The following SEC14L5 variants were observed in gnomAD, a reference collection of about 807,000 sequenced individuals.
SEC14L5 encodes SEC14-like protein 5.
A neutral mutation model predicts 84.6 loss-of-function variants in SEC14L5; 96 were observed. That is an observed-to-expected ratio of 1.13 (90% CI 0.96 to 1.34). The LOEUF (loss-of-function observed/expected upper bound fraction) is 1.34, where lower values mean the gene tolerates loss of function less well. Ranked by LOEUF, SEC14L5 falls within the 40% of genes most tolerant of loss-of-function variation. The pLI is 0.00. For synonymous variants in SEC14L5, 546 were observed against 383.4 expected, an observed-to-expected ratio of 1.42 and a Z score of -4.95; for missense variants, 1,224 against 942.5, an observed-to-expected ratio of 1.30 and a Z score of -3.91.
At chr16:4,960,215 A>G (rs769388235) in intron 2 of SEC14L5, among the ~76,000 whole-genome samples, 9 of 152,200 alleles carry the variant, frequency 5.9e-5, no homozygotes, top group African/African-American at 7.2e-5. Flanking sequence ...GCTCAGTAAC[A>G]TGGGGACAAT....
At chr16:4,970,725 G>A (rs139697121) in intron 2 of SEC14L5, among the ~76,000 whole-genome samples, 57 of 152,304 alleles carry the variant, frequency 3.7e-4, no homozygotes, top group African/African-American at 1.3e-3. Context: ...TGCCGGAGAG[G>A]CCAGTCATTC....
At chr16:4,959,432 G>A (rs7200245) in intron 2 of SEC14L5, 46 bp downstream of exon 2, 787,993 of 1,518,312 alleles carry the variant, frequency 0.52, 209,622 homozygotes, top group East Asian at 0.78. Context: ...AGTTGGAGGG[G>A]CTTGAGATCA....
At chr16:4,976,947 G>A (rs1955348282) in intron 2 of SEC14L5, among the ~76,000 whole-genome samples, 1 of 152,162 alleles carries the variant, frequency 6.6e-6, no homozygotes, top group African/African-American at 2.4e-5. Flanking sequence ...AACTAGTGGT[G>A]TGAGCTGGTT....
intron 11 of SEC14L5, among the ~76,000 whole-genome samples, chr16:5,004,602 T>G (rs1433688616): frequency 6.6e-6 from 1 of 151,102 alleles, no homozygotes; most frequent in East Asian, 2.0e-4. Flanking sequence ...AGGGAGCTAC[T>G]GGGGGTCAGC....
At chr16:4,995,876 G>A (rs560756043) in intron 6 of SEC14L5, among the ~76,000 whole-genome samples, 61 of 152,000 alleles carry the variant, frequency 4.0e-4, no homozygotes, top group Non-Finnish European at 6.6e-4. Context: ...TCTGCCTGCC[G>A]TGGGCTCCCA....
intron 2 of SEC14L5, among the ~76,000 whole-genome samples, chr16:4,976,666 G>A (rs547414668): frequency 5.3e-5 from 8 of 152,172 alleles, no homozygotes; most frequent in Non-Finnish European, 1.2e-4. Context: ...CCCGTAAGAG[G>A]CAGCCCTGCT....
chr16:4,973,325 A>G (rs767441517), intron 2 of SEC14L5, among the ~76,000 whole-genome samples: 1 of 149,790 alleles, frequency 6.7e-6, no homozygotes, highest in Admixed American at 6.7e-5. Context: ...CTTTGCTGGG[A>G]TGAGCAGTGG....
intron 5 of SEC14L5, among the ~76,000 whole-genome samples, chr16:4,991,365 A>G (rs1423840305): frequency 1.3e-5 from 2 of 152,000 alleles, no homozygotes; most frequent in Non-Finnish European, 2.9e-5. Flanking sequence ...ATTTCAGAGC[A>G]GTCTAGGCAA....
rs1195996312 is a variant in SEC14L5, at chr16:4,958,428, G to T, written c.-69G>T. On this transcript the variant is annotated 5_prime_UTR_variant, in exon 1 of 16. Coordinates refer to ENST00000251170, the MANE Select transcript of SEC14L5 (RefSeq NM_014692.2). Reference sequence around the variant, plus strand: ...GGGACACACCAGGCTAGAGATCCGCGATCGGGCCCCGCCTCAGGTACTGCG... The same window carrying T: ...GGGACACACCAGGCTAGAGATCCGCTATCGGGCCCCGCCTCAGGTACTGCG... 1 of 152,242 alleles carries T rather than the reference G, an allele frequency of 6.6e-6. No homozygotes were observed. The highest frequency in any genetic ancestry group is 2.4e-5 in the African/African-American group (1 of 41,270). The allele number at this position is 152,242 out of a possible 1,614,324, so 9.4% of individuals were successfully genotyped here. A position where few individuals can be genotyped will look rare whatever the true frequency, so the allele number is the denominator to read the frequency against.
At chr16:4,995,659 C>T (rs1414700446) in intron 6 of SEC14L5, among the ~76,000 whole-genome samples, 2 of 145,452 alleles carry the variant, frequency 1.4e-5, no homozygotes, top group African/African-American at 5.1e-5. Flanking sequence ...CGGAGTCTCA[C>T]TCTGTTGCCC....
chr16:4,997,159 T>C (rs527805266), intron 8 of SEC14L5, 115 bp downstream of exon 8: 409 of 704,902 alleles, frequency 5.8e-4, no homozygotes, highest in Admixed American at 8.0e-4. Flanking sequence ...AGTGCAGTGG[T>C]GCCATCTCGG....
chr16:5,004,200 G>A (rs1010987914), intron 11 of SEC14L5, among the ~76,000 whole-genome samples: 1 of 152,178 alleles, frequency 6.6e-6, no homozygotes, highest in East Asian at 1.9e-4. Context: ...CCCATGGAGG[G>A]TTCAGTAGCA....
In SEC14L5 at chr16:4,991,327, G is replaced by T. The variant is rs146534712; in HGVS notation, c.474+432G>T. 5.3e-3 allele frequency among the ~76,000 whole-genome samples: 812 copies of T among 152,004 alleles called. 8 individuals are homozygous for T. Among genetic ancestry groups the T allele is most frequent in the African/African-American group, 0.019 (769 of 41,450 alleles). On this transcript the variant is annotated intron_variant, in intron 5 of 15. Coordinates refer to ENST00000251170, the MANE Select transcript of SEC14L5 (RefSeq NM_014692.2). Reference sequence around the variant, plus strand: ...TTATCAATATAAAACTTAATTCTCCGAGGTTGGAGGCCCAGTTGAGCCCAG... The same window carrying T: ...TTATCAATATAAAACTTAATTCTCCTAGGTTGGAGGCCCAGTTGAGCCCAG...
At position 4,996,971 on chromosome 16, in the gene SEC14L5, C is replaced by T. The variant is rs750488120; in HGVS notation, c.897C>T (p.Leu299=). ...LSWRKQHQVD[L]LLQTWQPPAL... ...GGCGCAAGCAGCACCAGGTGGATCTCCTCCTTCAGACCTGGCAACCCCCTG... is the reference window on the plus strand; with the variant it reads ...GGCGCAAGCAGCACCAGGTGGATCTTCTCCTTCAGACCTGGCAACCCCCTG... Residue 299 remains leucine, a synonymous_variant, in exon 8 of 16, where the codon CTC becomes CTT. Transcript: ENST00000251170. The T allele has an allele frequency of 2.5e-6, 4 of 1,613,636 alleles. No homozygotes were observed. The highest frequency in any genetic ancestry group is 3.4e-6 in the Non-Finnish European group (4 of 1,179,694).
At chr16:5,008,080 T>G (rs1287099692) in intron 13 of SEC14L5, among the ~76,000 whole-genome samples, 6 of 151,770 alleles carry the variant, frequency 4.0e-5, no homozygotes, top group African/African-American at 9.7e-5. Context: ...GCTATTTTTT[T>G]TTTGTTTGTA....
chr16:4,990,614 GC>G (rs1955542245), intron 4 of SEC14L5, among the ~76,000 whole-genome samples, 152 bp from the exon 5 acceptor site: 2 of 152,220 alleles, frequency 1.3e-5, no homozygotes, highest in Admixed American at 6.5e-5. Context: ...CTGGGTGGGG[GC>G]CCCTTGGTCC....
chr16:4,972,326 A>G (rs1955289480), intron 2 of SEC14L5, among the ~76,000 whole-genome samples: 1 of 152,052 alleles, frequency 6.6e-6, no homozygotes, highest in Admixed American at 6.6e-5. Context: ...TTTTATTGTG[A>G]TGAAATACAC....
chr16:4,961,846 C>G (rs921716589), intron 2 of SEC14L5, among the ~76,000 whole-genome samples: 2 of 152,110 alleles, frequency 1.3e-5, no homozygotes, highest in African/African-American at 4.8e-5. Flanking sequence ...GACAGTTTCT[C>G]TCTTCTTATG....
chr16:5,001,451 G>T (rs561205177), intron 10 of SEC14L5, among the ~76,000 whole-genome samples: 1 of 151,998 alleles, frequency 6.6e-6, no homozygotes, highest in Non-Finnish European at 1.5e-5. Flanking sequence ...AGTAGAGACA[G>T]GGTTTCACTG....
Sources: gnomAD v4.1 joint callset for allele counts (sites outside exome capture counted in the v4.1 genomes callset) on GRCh38, gnomAD v4.1.1 for gene constraint, MANE v1.5 for transcripts, NCBI Gene and HGNC (gene_info 2026-07-23, HGNC 2026-07-21) for gene names.